CUBN: variants seen among roughly 807,000 people sequenced by gnomAD.
The protein encoded by CUBN is 460 kDa receptor.
A neutral mutation model predicts 405.3 loss-of-function variants in CUBN; 282 were observed. That is an observed-to-expected ratio of 0.70 (90% confidence interval 0.63 to 0.77). The LOEUF (loss-of-function observed/expected upper bound fraction) is 0.77. Among genes scored for constraint, CUBN ranks in the 30% least tolerant of loss-of-function variants. The pLI is 0.00. For synonymous variants in CUBN, 1,684 were observed against 1,617.0 expected, an observed-to-expected ratio of 1.04 and a Z score of -0.99; for missense variants, 4,514 against 4,475.2, an observed-to-expected ratio of 1.01 and a Z score of -0.25.
intron 36 of CUBN, among the ~76,000 whole-genome samples, chr10:16,945,262 C>A (rs1368865217): frequency 6.6e-6 from 1 of 151,984 alleles, no homozygotes; most frequent in Non-Finnish European, 1.5e-5. Context: ...GTGCGAAGGG[C>A]TTTGGATTTT....
chr10:16,863,216 T>C (rs1564391622), intron 59 of CUBN, among the ~76,000 whole-genome samples: 1 of 152,234 alleles, frequency 6.6e-6, no homozygotes, highest in East Asian at 1.9e-4. Flanking sequence ...ACCTTGTCTT[T>C]AGGATCATCC....
intron 56 of CUBN, among the ~76,000 whole-genome samples, chr10:16,885,485 C>T (rs1464657778): frequency 6.6e-6 from 1 of 151,660 alleles, no homozygotes; most frequent in African/African-American, 2.4e-5. Flanking sequence ...TAGCAAAGTG[C>T]TATATATATA....
At chr10:17,072,855 A>G (rs1215561776) in intron 17 of CUBN, among the ~76,000 whole-genome samples, 1 of 152,194 alleles carries the variant, frequency 6.6e-6, no homozygotes, top group Non-Finnish European at 1.5e-5. Context: ...GGTTATTTTC[A>G]GAAAAAGTAT....
chr10:16,897,605 A>T (rs1485704996), intron 54 of CUBN, among the ~76,000 whole-genome samples: 1 of 151,774 alleles, frequency 6.6e-6, no homozygotes, highest in African/African-American at 2.4e-5. Context: ...TGTGACTGGG[A>T]CCCATTTTTC....
In CUBN at chr10:16,990,434, C is replaced by G; in HGVS notation, c.4250G>C (p.Cys1417Ser). 3.7e-6 allele frequency: 6 copies of G among 1,614,154 alleles called. No individual in the cohort carries two copies. Among genetic ancestry groups the G allele is most frequent in the Non-Finnish European group, 5.1e-6 (6 of 1,180,004 alleles). Residue 1417 changes from cysteine (C) to serine (S), a missense_variant, in exon 29 of 67, where the codon TGT becomes TCT. By Grantham distance (112) the Cys-to-Ser change is moderately radical. This residue lies in a region of CUBN where 1,613 missense variants were observed against 1,542.8 expected (regional missense o/e 1.05). Transcript: ENST00000377833. ...GGGGTCCGTCCTAATGTACCAGATA[C>G]ACTCCTTGTTTGGTGGATACCTGTT... is the stretch of plus-strand genomic sequence containing the variant. ...FPNRYPPNKE[C>S]IWYIRTDPGS...
At chr10:16,880,267 C>T (rs965609464) in intron 56 of CUBN, among the ~76,000 whole-genome samples, 7 of 152,174 alleles carry the variant, frequency 4.6e-5, no homozygotes, top group Non-Finnish European at 8.8e-5. Flanking sequence ...ACCATCCTGA[C>T]CATGGTTGAT....
At chr10:17,089,186 G>A (rs1374353143) in intron 14 of CUBN, among the ~76,000 whole-genome samples, 1 of 152,084 alleles carries the variant, frequency 6.6e-6, no homozygotes, top group Non-Finnish European at 1.5e-5. Flanking sequence ...TATACAGGTT[G>A]TTCAAATAAA....
At chr10:16,919,177 T>C (rs1841968187) in intron 44 of CUBN, among the ~76,000 whole-genome samples, 2 of 152,340 alleles carry the variant, frequency 1.3e-5, no homozygotes, top group South Asian at 4.1e-4. Context: ...AGATAAATTC[T>C]CTAACAGCTC....
chr10:16,936,765 C>T (rs541935477), intron 39 of CUBN, among the ~76,000 whole-genome samples: 9 of 152,210 alleles, frequency 5.9e-5, no homozygotes, highest in South Asian at 2.1e-4. Flanking sequence ...CAGGCTGGAG[C>T]GCAGTGGCAT....
intron 22 of CUBN, among the ~76,000 whole-genome samples, chr10:17,062,307 A>G (rs938700200): frequency 2.6e-5 from 4 of 152,192 alleles, no homozygotes; most frequent in Non-Finnish European, 5.9e-5. Context: ...AATCCGGTAC[A>G]TTTATCTGTC....
At chr10:16,826,477 CAA>C (rs1295202967) in intron 66 of CUBN, among the ~76,000 whole-genome samples, 6 of 152,038 alleles carry the variant, frequency 3.9e-5, no homozygotes, top group South Asian at 4.1e-4. Flanking sequence ...ATTAGCAAAA[CAA>C]GAGCTACCTC....
intron 58 of CUBN, among the ~76,000 whole-genome samples, chr10:16,871,739 C>T (rs954424466): frequency 3.3e-5 from 5 of 152,120 alleles, no homozygotes; most frequent in Non-Finnish European, 5.9e-5. Flanking sequence ...CTTAAATCTG[C>T]TTTGGCTTTT....
chr10:16,889,531 C>A (rs1350577235), intron 55 of CUBN, among the ~76,000 whole-genome samples: 1 of 152,158 alleles, frequency 6.6e-6, no homozygotes, highest in Admixed American at 6.5e-5. Context: ...CCTTCCTAAT[C>A]AAAATTAGGA....
intron 11 of CUBN, among the ~76,000 whole-genome samples, chr10:17,104,847 C>T (rs1339880815): frequency 3.5e-5 from 5 of 141,256 alleles, no homozygotes; most frequent in African/African-American, 8.0e-5. Flanking sequence ...CTCGCTCTGT[C>T]GGCCAGGCTG....
intron 14 of CUBN, among the ~76,000 whole-genome samples, chr10:17,098,612 A>G (rs1836429447): frequency 6.6e-6 from 1 of 152,202 alleles, no homozygotes; most frequent in Non-Finnish European, 1.5e-5. Flanking sequence ...AGTTACAAAG[A>G]CTGGAAAGGA....
intron 56 of CUBN, among the ~76,000 whole-genome samples, chr10:16,886,399 T>C (rs1840815590): frequency 6.6e-6 from 1 of 152,128 alleles, no homozygotes; most frequent in African/African-American, 2.4e-5. Context: ...AACCCAAGAG[T>C]AAGAAATTTC....
chr10:17,123,076 C>T (rs1837084517), intron 5 of CUBN, among the ~76,000 whole-genome samples, 178 bp from the exon 6 acceptor site: 1 of 152,130 alleles, frequency 6.6e-6, no homozygotes, highest in African/African-American at 2.4e-5. Flanking sequence ...CAGATTTCAC[C>T]TAATAGAACA....
chr10:16,889,881 G>A (rs1275212221), intron 55 of CUBN, among the ~76,000 whole-genome samples: 2 of 145,598 alleles, frequency 1.4e-5, no homozygotes, highest in Non-Finnish European at 3.0e-5. Context: ...AGGGTGCAGT[G>A]AGCCGAGATT....
intron 14 of CUBN, among the ~76,000 whole-genome samples, chr10:17,093,187 T>C (rs1478894700): frequency 1.3e-5 from 2 of 152,282 alleles, no homozygotes; most frequent in East Asian, 1.9e-4. Flanking sequence ...AGCAGCTGCA[T>C]GGAAATGGCA....
Sources: gnomAD v4.1 joint callset for allele counts (sites outside exome capture counted in the v4.1 genomes callset) on GRCh38, gnomAD v4.1.1 for gene constraint, gnomAD v4.1.1 regional missense constraint, MANE v1.5 for transcripts, NCBI Gene and HGNC (gene_info 2026-07-23, HGNC 2026-07-21) for gene names.